The following NPR3 variants were observed in gnomAD, a reference collection of about 807,000 sequenced individuals.
NPR3 encodes atrial natriuretic peptide receptor 3.
NPR3 carries 34 observed loss-of-function variants against 54.5 expected under a neutral mutation model. That is an observed-to-expected ratio of 0.62 (90% CI 0.47 to 0.83). NPR3 has a LOEUF of 0.83. Ranked by LOEUF, NPR3 falls within the 40% of genes least tolerant of loss-of-function variation. NPR3 has a pLI of 0.00. For synonymous variants in NPR3, 289 were observed against 297.1 expected (o/e 0.97, Z 0.28); for missense variants, 674 against 720.8 (o/e 0.94, Z 0.74).
At chr5:32,781,317 A>T (rs1391157328) in intron 5 of NPR3, among the ~76,000 whole-genome samples, 1 of 152,202 alleles carries the variant, frequency 6.6e-6, no homozygotes, top group Admixed American at 6.5e-5. Context: ...TTCCTGGCTG[A>T]TGTCACATGA....
upstream of NPR3, among the ~76,000 whole-genome samples, chr5:32,706,424 A>T (rs1050911148): frequency 3.9e-5 from 6 of 152,238 alleles, no homozygotes; most frequent in Non-Finnish European, 7.3e-5. Flanking sequence ...CAATTAAAGC[A>T]GTGGCTACCA....
intron 5 of NPR3, among the ~76,000 whole-genome samples, chr5:32,782,242 C>T (rs938588770): frequency 1.3e-5 from 2 of 152,232 alleles, no homozygotes; most frequent in African/African-American, 4.8e-5. Context: ...AGTGGTGAAA[C>T]AGGAGGTTCC....
chr5:32,756,760 C>T (rs1740862890), intron 3 of NPR3, among the ~76,000 whole-genome samples: 1 of 151,956 alleles, frequency 6.6e-6, no homozygotes, highest in Non-Finnish European at 1.5e-5. Context: ...GTCTTTAATC[C>T]CTCTTGAATT....
Position 32,786,394 on chromosome 5 carries a change from T to C in NPR3, c.*49T>C, listed in dbSNP as rs1331861772. 6.6e-6 allele frequency: 5 copies of C among 754,572 alleles called. No individual in the cohort carries two copies. The highest frequency in any genetic ancestry group is 1.2e-5 in the Non-Finnish European group (5 of 428,898). 46.7% of individuals were successfully genotyped at this position (754,572 alleles called of 1,614,324 possible). A position where few individuals can be genotyped will look rare whatever the true frequency, so the allele number is the denominator to read the frequency against. On this transcript the variant is annotated 3_prime_UTR_variant, in exon 8 of 8. Transcript: ENST00000265074. ...TTCTGCCTGAGATTCTTTAAGGAGA[T>C]AGACGGGTTGAAAGACATCAATGAA...
At chr5:32,746,948 G>A (rs779870417) in intron 3 of NPR3, among the ~76,000 whole-genome samples, 1 of 151,914 alleles carries the variant, frequency 6.6e-6, no homozygotes, top group African/African-American at 2.4e-5. Flanking sequence ...TTTCTAGATC[G>A]AAAGGGCCCA....
At chr5:32,707,653 G>T (rs1259169789), upstream of NPR3, among the ~76,000 whole-genome samples, 1 of 152,158 alleles carries the variant, frequency 6.6e-6, no homozygotes, top group African/African-American at 2.4e-5. Context: ...CTTCACAGGG[G>T]TATTCTCGAA....
intron 1 of NPR3, 133 bp from the exon 2 acceptor site, chr5:32,724,565 C>T: frequency 9.9e-7 from 1 of 1,009,616 alleles, no homozygotes; most frequent in Non-Finnish European, 1.4e-6. Context: ...TTGTAGTTAA[C>T]AAGTGATTGT....
At chr5:32,781,723 G>GGGTCTCA (rs1291238490) in intron 5 of NPR3, among the ~76,000 whole-genome samples, 24 of 152,198 alleles carry the variant, frequency 1.6e-4, no homozygotes, top group Non-Finnish European at 1.5e-5. Flanking sequence ...TGAGTGGTCT[G>GGGTCTCA]GGTCTCATCT....
rs567633519 is a variant in NPR3 at position 32,768,828 on chromosome 5, AC to A, written c.1060-5877del. Among the ~76,000 whole-genome samples, 198 of 152,264 alleles carry A rather than the reference AC, an allele frequency of 1.3e-3. 3 individuals carry two copies. Among genetic ancestry groups the A allele is most frequent in the Non-Finnish European group, 2.9e-4 (20 of 68,024 alleles). ...ATTTGGAAAACTTAGGTCAGATCCC[AC>A]CCTAAGTAAGTTCTAACTTCAGTCG... On this transcript the variant is annotated intron_variant, in intron 3 of 7. Coordinates refer to ENST00000265074, the MANE Select transcript of NPR3 (RefSeq NM_001204375.2).
chr5:32,694,919 T>C (rs1332800251), intron 1 of NPR3, among the ~76,000 whole-genome samples: 2 of 152,328 alleles, frequency 1.3e-5, no homozygotes, highest in Non-Finnish European at 2.9e-5. Flanking sequence ...TCAATTATTT[T>C]AATTTTTAGC....
chr5:32,746,195 G>A (rs914641261), intron 3 of NPR3, among the ~76,000 whole-genome samples: 2 of 152,134 alleles, frequency 1.3e-5, no homozygotes, highest in African/African-American at 4.8e-5. Flanking sequence ...TTTAGTAAGA[G>A]GTACCTTTCA....
chr5:32,762,682 GT>G (rs1317195135), intron 3 of NPR3, among the ~76,000 whole-genome samples: 1 of 151,878 alleles, frequency 6.6e-6, no homozygotes, highest in East Asian at 1.9e-4. Context: ...GGGGTTGTTT[GT>G]TTTTTTCTTG....
rs116204726 is a variant in NPR3 at position 32,711,771 on chromosome 5, G to C, written c.-6G>C. 2.7e-3 allele frequency: 3,768 copies of C among 1,417,250 alleles called. 81 individuals are homozygous for C. In the African/African-American group the frequency reaches 0.05, roughly 19 times the overall value. The allele number at this position is 1,417,250 out of a possible 1,614,324, so 87.8% of individuals were successfully genotyped here. A position where few individuals can be genotyped will look rare whatever the true frequency, so the allele number is the denominator to read the frequency against. On this transcript the variant is annotated 5_prime_UTR_variant, in exon 1 of 8. Transcript: ENST00000265074. ...GCGGCGAGGGCAAGCTCTTTCTTGC[G>C]GCACGATGCCGTCTCTGCTGGTGCT...
chr5:32,751,719 G>A (rs1485654546), intron 3 of NPR3, among the ~76,000 whole-genome samples: 1 of 152,164 alleles, frequency 6.6e-6, no homozygotes, highest in African/African-American at 2.4e-5. Flanking sequence ...GTCTCCCTCT[G>A]ACACTCAAAT....
intron 2 of NPR3, among the ~76,000 whole-genome samples, chr5:32,732,247 CAAAAAAAAAAAA>C (rs34564234): frequency 6.1e-5 from 2 of 32,986 alleles, no homozygotes; most frequent in South Asian, 1.5e-3. Context: ...GACTCCGTCT[CAAAAAAAAAAAA>C]AAAAAAAAAA....
Position 32,786,600 on chromosome 5 carries a change from C to G in NPR3, c.*255C>G, listed in dbSNP as rs979995. ...TGTTAAATGTTCATACTGTTTCAAG[C>G]CCATATGATTAGATTTATGTTTTTA... is the stretch of plus-strand genomic sequence containing the variant. On this transcript the variant is annotated 3_prime_UTR_variant, in exon 8 of 8. Transcript: ENST00000265074. 13,175 of 425,740 alleles carry G rather than the reference C, an allele frequency of 0.031. 1,597 individuals are homozygous for G. Among genetic ancestry groups the G allele is most frequent in the African/African-American group, 0.25 (12,088 of 47,654 alleles). The allele number at this position is 425,740 out of a possible 1,614,324, so 26.4% of individuals were successfully genotyped here. A position where few individuals can be genotyped will look rare whatever the true frequency, so the allele number is the denominator to read the frequency against.
intron 3 of NPR3, among the ~76,000 whole-genome samples, chr5:32,770,071 G>C (rs1741674076): frequency 6.6e-6 from 1 of 152,162 alleles, no homozygotes; most frequent in African/African-American, 2.4e-5. Flanking sequence ...GGTGCTATCA[G>C]AGAGGAAGGC....
At chr5:32,737,014 G>A (rs947278596) in intron 2 of NPR3, among the ~76,000 whole-genome samples, 7 of 152,022 alleles carry the variant, frequency 4.6e-5, no homozygotes, top group African/African-American at 1.7e-4. Context: ...GCCTTTTCTC[G>A]GGCTCTAGAC....
intron 1 of NPR3, among the ~76,000 whole-genome samples, chr5:32,695,644 G>A (rs1231298287): frequency 6.6e-6 from 1 of 152,190 alleles, no homozygotes; most frequent in Admixed American, 6.5e-5. Flanking sequence ...CACCAACAGT[G>A]TACAAGAGTT....
Sources: gnomAD v4.1 joint callset for allele counts (sites outside exome capture counted in the v4.1 genomes callset) on GRCh38, gnomAD v4.1.1 for gene constraint, MANE v1.5 for transcripts, NCBI Gene and HGNC (gene_info 2026-07-23, HGNC 2026-07-21) for gene names.